MYOM1: variants seen among roughly 807,000 people sequenced by gnomAD.
MYOM1 encodes the protein myomesin 1, also known as myomesin-1.
Under a neutral mutation model 205.3 loss-of-function variants are expected in MYOM1, and 164 were observed. The observed-to-expected ratio is 0.80, with a 90% CI of 0.70 to 0.91. The LOEUF (loss-of-function observed/expected upper bound fraction) is 0.91, where lower values mean the gene tolerates loss of function less well. Ranked by LOEUF, MYOM1 falls within the 40% of genes least tolerant of loss-of-function variation. The pLI is 0.00. For synonymous variants in MYOM1, 772 were observed against 789.4 expected, an observed-to-expected ratio of 0.98 and a Z score of 0.37; for missense variants, 2,011 against 2,127.3, an observed-to-expected ratio of 0.95 and a Z score of 1.08.
chr18:3,087,484 C>G (rs202226871), intron 29 of MYOM1, among the ~76,000 whole-genome samples: 10 of 144,570 alleles, frequency 6.9e-5, no homozygotes, highest in Non-Finnish European at 1.5e-4. Flanking sequence ...GTTCCTCCTA[C>G]GTTCTTTTTT....
At chr18:3,175,036 A>AT (rs2080617029) in intron 6 of MYOM1, among the ~76,000 whole-genome samples, 1 of 152,118 alleles carries the variant, frequency 6.6e-6, no homozygotes. Context: ...GTTTAGTTTC[A>AT]TTTGTGTAAA....
intron 2 of MYOM1, among the ~76,000 whole-genome samples, chr18:3,201,934 G>A (rs2081073853): frequency 6.6e-6 from 1 of 152,004 alleles, no homozygotes; most frequent in Non-Finnish European, 1.5e-5. Flanking sequence ...GTAAGCCACT[G>A]CACCCAGGCT....
At chr18:3,212,780 G>A (rs1400728131) in intron 2 of MYOM1, among the ~76,000 whole-genome samples, 1 of 152,158 alleles carries the variant, frequency 6.6e-6, no homozygotes, top group Non-Finnish European at 1.5e-5. Context: ...CGTTTTTCAG[G>A]GAAACAAATT....
At chr18:3,096,476 T>C (rs2079306190) in intron 25 of MYOM1, among the ~76,000 whole-genome samples, 1 of 147,304 alleles carries the variant, frequency 6.8e-6, no homozygotes, top group South Asian at 2.1e-4. Flanking sequence ...TGAGATGGAG[T>C]CTCACTCTGT....
chr18:3,084,926 C>T, intron 31 of MYOM1, 119 bp downstream of exon 31: 1 of 759,670 alleles, frequency 1.3e-6, no homozygotes. Context: ...TCAATTAAGC[C>T]AAAATCTGTG....
chr18:3,160,240 T>C (rs1003953781), intron 10 of MYOM1, among the ~76,000 whole-genome samples: 3 of 151,664 alleles, frequency 2.0e-5, no homozygotes, highest in African/African-American at 7.3e-5. Flanking sequence ...CAAGCTGGAG[T>C]GCAGTGTTGC....
chr18:3,217,441 T>C (rs1412951342), intron 1 of MYOM1, among the ~76,000 whole-genome samples: 1 of 152,194 alleles, frequency 6.6e-6, no homozygotes, highest in Non-Finnish European at 1.5e-5. Flanking sequence ...AGTATCAGTT[T>C]GGGGTGGAAG....
chr18:3,165,897 C>T (rs1375689050), intron 9 of MYOM1, among the ~76,000 whole-genome samples: 1 of 152,196 alleles, frequency 6.6e-6, no homozygotes. Context: ...CTTTCATCAC[C>T]TTGGAATGCC....
Position 3,161,159 on chromosome 18 carries a change from G to A in MYOM1, c.1501+3119C>T, listed in dbSNP as rs566105152. ...GTTGGTTCTCACTGCAATTTTCCCA[G>A]AAGGCCAGCTCCTGTCTTCCCTGAT... On this transcript the variant is annotated intron_variant, in intron 10 of 37. Transcript: ENST00000356443. Among the ~76,000 whole-genome samples the A allele has an allele frequency of 3.3e-5, 5 of 152,312 alleles. No homozygotes were observed. The East Asian group carries it at 9.6e-4, about 29-fold the overall frequency.
At chr18:3,228,424 C>T in the MYOM1 span, among the ~76,000 whole-genome samples, 1 of 152,108 alleles carries the variant, frequency 6.6e-6, no homozygotes, top group Non-Finnish European at 1.5e-5. The surrounding 1 kb of genome is among the most constrained non-coding windows in gnomAD (Gnocchi z 4.5). Flanking sequence ...GCCAGATCTT[C>T]GCTTGCAACA....
intron 4 of MYOM1, 56 bp downstream of exon 4, chr18:3,188,692 C>T: frequency 7.1e-7 from 1 of 1,413,700 alleles, no homozygotes; most frequent in East Asian, 2.5e-5. Flanking sequence ...CACACACACA[C>T]CCCTTATGAC....
intron 22 of MYOM1, among the ~76,000 whole-genome samples, chr18:3,103,210 GA>G (rs2079404859): frequency 2.6e-5 from 4 of 152,190 alleles, no homozygotes; most frequent in Non-Finnish European, 2.9e-5. Flanking sequence ...GAAATATATG[GA>G]TGCCTGCTCT....
chr18:3,078,044 ATT>A (rs143642028), intron 34 of MYOM1, among the ~76,000 whole-genome samples: 35 of 145,854 alleles, frequency 2.4e-4, no homozygotes, highest in Non-Finnish European at 2.3e-4. Context: ...TTGAGGTTGT[ATT>A]TTTTTTTTTT....
At position 3,135,430 on chromosome 18, in the gene MYOM1, G is replaced by A. The variant is rs2079942006; in HGVS notation, c.2209+117C>T. ...TGTATAGGTTAAGTACAGCCATCGA[G>A]TAAATTTATAATATGAAAGAAGGAT... On this transcript the variant is annotated intron_variant, in intron 15 of 37. Transcript: ENST00000356443. The surrounding 1 kb of genome is among the most constrained non-coding windows in gnomAD (Gnocchi z 4.1). The A allele has an allele frequency of 3.2e-6, 3 of 923,820 alleles. No homozygotes were observed. The highest frequency in any genetic ancestry group is 4.8e-6 in the Non-Finnish European group (3 of 629,292). 57.2% of individuals were successfully genotyped at this position (923,820 alleles called of 1,614,324 possible).
At chr18:3,130,908 G>A (rs1041674774) in intron 17 of MYOM1, among the ~76,000 whole-genome samples, 1 of 152,178 alleles carries the variant, frequency 6.6e-6, no homozygotes, top group East Asian at 1.9e-4. Context: ...ATATGATTAA[G>A]CAATTACATG....
At chr18:3,089,991 A>G (rs952162673) in intron 27 of MYOM1, among the ~76,000 whole-genome samples, 2 of 152,092 alleles carry the variant, frequency 1.3e-5, no homozygotes, top group Non-Finnish European at 2.9e-5. Flanking sequence ...AATTTACAGT[A>G]AGTACACGTG....
intron 17 of MYOM1, among the ~76,000 whole-genome samples, chr18:3,130,033 T>G (rs1456595686): frequency 2.6e-5 from 4 of 151,904 alleles, no homozygotes; most frequent in Admixed American, 6.6e-5. Context: ...GAATCTTCCT[T>G]CCTTCGTTTT....
At chr18:3,120,031 C>T in intron 19 of MYOM1, 36 bp from the exon 20 acceptor site, 1 of 1,532,400 alleles carries the variant, frequency 6.5e-7, no homozygotes, top group Non-Finnish European at 8.8e-7. Flanking sequence ...ACTGAATGTT[C>T]CAGGTTTGTT....
chr18:3,239,927 TAGTC>T, the MYOM1 span, among the ~76,000 whole-genome samples: 2 of 152,250 alleles, frequency 1.3e-5, no homozygotes, highest in South Asian at 4.2e-4. Flanking sequence ...ATATATTTAT[TAGTC>T]AGAGTAGTAA....
Sources: gnomAD v4.1 joint callset for allele counts (sites outside exome capture counted in the v4.1 genomes callset) on GRCh38, gnomAD v4.1.1 for gene constraint, Gnocchi (gnomAD v3.1) non-coding constraint, MANE v1.5 for transcripts, NCBI Gene and HGNC (gene_info 2026-07-23, HGNC 2026-07-21) for gene names.